EYA4: variants seen among roughly 807,000 people sequenced by gnomAD.
The protein encoded by EYA4 is EYA transcriptional coactivator and phosphatase 4.
In EYA4, 31 loss-of-function variants were observed where a neutral mutation model predicts 87.9. That is an observed-to-expected ratio of 0.35 (90% CI 0.27 to 0.48). The LOEUF is 0.48. Among genes scored for constraint, EYA4 ranks in the 20% least tolerant of loss-of-function variants. EYA4 has a pLI of 0.99. For synonymous variants in EYA4, 263 were observed against 270.6 expected (o/e 0.97, Z 0.28); for missense variants, 678 against 761.4 (o/e 0.89, Z 1.29).
intron 2 of EYA4, among the ~76,000 whole-genome samples, chr6:133,295,878 A>G (rs989122269): frequency 6.6e-6 from 1 of 152,246 alleles, no homozygotes; most frequent in Non-Finnish European, 1.5e-5. Context: ...AAAGACACCA[A>G]GTTCTTGCTT....
chr6:133,452,735 T>C (rs1793569676), intron 5 of EYA4: 1 of 152,066 alleles, frequency 6.6e-6, no homozygotes, highest in Admixed American at 6.6e-5. Context: ...ATCAGAAACA[T>C]CCAAATTGCA....
Position 133,512,987 on chromosome 6 carries a change from C to T in EYA4, c.1450C>T (p.Arg484Cys), listed in dbSNP as rs868828420. Reference protein sequence around the residue: ...GVDWMRKLAFRYRRVKELYNT... With the variant: ...GVDWMRKLAFCYRRVKELYNT... ...TGACTGGATGAGGAAGTTGGCTTTT[C>T]GTTACAGAAGAGTAAAAGAATTATA... Residue 484 changes from arginine (R) to cysteine (C), a missense_variant, in exon 16 of 20, where the codon CGT (arginine) becomes TGT (cysteine). Physicochemically the swap from Arg to Cys is radical, Grantham distance 180. Coordinates refer to ENST00000355286, the MANE Select transcript of EYA4 (RefSeq NM_004100.5). 1.2e-6 allele frequency: 2 copies of T among 1,614,036 alleles called. No individual in the cohort carries two copies. The highest frequency in any genetic ancestry group is 1.7e-6 in the Non-Finnish European group (2 of 1,179,978).
chr6:133,488,829 G>T (rs1228953692), intron 13 of EYA4, among the ~76,000 whole-genome samples: 1 of 152,132 alleles, frequency 6.6e-6, no homozygotes, highest in Non-Finnish European at 1.5e-5. Context: ...AGCGACTCCA[G>T]TAAATACCTA....
At chr6:133,351,118 C>T (rs141930193) in intron 2 of EYA4, among the ~76,000 whole-genome samples, 59 of 152,192 alleles carry the variant, frequency 3.9e-4, no homozygotes, top group Non-Finnish European at 7.1e-4. Context: ...AAGTAACTTC[C>T]GAATCAGCTT....
chr6:133,250,524 C>T (rs1774809113), intron 1 of EYA4, among the ~76,000 whole-genome samples: 2 of 151,992 alleles, frequency 1.3e-5, no homozygotes, highest in Non-Finnish European at 2.9e-5. Context: ...CGCCTGTAAT[C>T]CCAGCTACTC....
intron 2 of EYA4, among the ~76,000 whole-genome samples, chr6:133,342,574 C>CATATATATACAT (rs1782863023): frequency 1.0e-5 from 1 of 100,470 alleles, no homozygotes; most frequent in Non-Finnish European, 2.0e-5. Context: ...TACACACTGC[C>CATATATATACAT]ATATATATAT....
intron 2 of EYA4, among the ~76,000 whole-genome samples, chr6:133,375,508 G>T (rs1425600202): frequency 6.6e-6 from 1 of 151,470 alleles, no homozygotes; most frequent in African/African-American, 2.4e-5. Flanking sequence ...ACATTCCTGA[G>T]GTATGTAATA....
chr6:133,349,648 A>C (rs1783481902), intron 2 of EYA4, among the ~76,000 whole-genome samples: 1 of 151,196 alleles, frequency 6.6e-6, no homozygotes, highest in African/African-American at 2.5e-5. Flanking sequence ...TAAGTGTATG[A>C]AATGCTTTGA....
intron 17 of EYA4, among the ~76,000 whole-genome samples, chr6:133,515,644 TG>T (rs1799536521): frequency 6.6e-6 from 1 of 151,754 alleles, no homozygotes. Context: ...TGTGTGTGTG[TG>T]TGTGTGTGTG....
intron 2 of EYA4, among the ~76,000 whole-genome samples, chr6:133,340,299 A>G (rs982353112): frequency 1.3e-5 from 2 of 152,154 alleles, no homozygotes; most frequent in African/African-American, 2.4e-5. Context: ...TTCTTTGCCA[A>G]ATTGATTTTG....
intron 11 of EYA4, among the ~76,000 whole-genome samples, chr6:133,469,942 T>C (rs1433097648): frequency 6.6e-6 from 1 of 151,944 alleles, no homozygotes; most frequent in Admixed American, 6.6e-5. Context: ...GGGTTGTTTG[T>C]TTTCTTCTTG....
upstream of EYA4, chr6:133,240,614 T>A (rs972564600): frequency 6.6e-6 from 1 of 152,284 alleles, no homozygotes; most frequent in African/African-American, 2.4e-5. Flanking sequence ...GCCTGACCTT[T>A]GGGCGTCTGG....
At chr6:133,416,772 G>A (rs769829993) in intron 3 of EYA4, among the ~76,000 whole-genome samples, 1 of 152,190 alleles carries the variant, frequency 6.6e-6, no homozygotes, top group Non-Finnish European at 1.5e-5. Context: ...ATGTGAAATT[G>A]CATATTCTCT....
intron 17 of EYA4, among the ~76,000 whole-genome samples, chr6:133,520,604 A>G (rs1427792105): frequency 1.6e-5 from 2 of 121,824 alleles, no homozygotes; most frequent in Non-Finnish European, 1.7e-5. Context: ...CAAGCTACCA[A>G]TGCCTTTCTT....
chr6:133,316,996 G>A (rs1780678175), intron 2 of EYA4, among the ~76,000 whole-genome samples: 1 of 152,136 alleles, frequency 6.6e-6, no homozygotes, highest in African/African-American at 2.4e-5. Context: ...TTGGACCATT[G>A]AGGCCTCATG....
At chr6:133,522,246 G>A (rs6929780) in intron 17 of EYA4, among the ~76,000 whole-genome samples, 72,693 of 138,486 alleles carry the variant, frequency 0.52, 19,969 homozygotes, top group East Asian at 0.68. Flanking sequence ...ATATGTATAC[G>A]TGTGCCATGT....
intron 2 of EYA4, among the ~76,000 whole-genome samples, chr6:133,293,149 C>A (rs1020197842): frequency 6.6e-6 from 1 of 152,136 alleles, no homozygotes; most frequent in African/African-American, 2.4e-5. Flanking sequence ...CTCAATTCCT[C>A]CTACTTCATT....
intron 2 of EYA4, among the ~76,000 whole-genome samples, chr6:133,327,692 A>G (rs146720971): frequency 6.6e-6 from 1 of 152,348 alleles, no homozygotes; most frequent in East Asian, 1.9e-4. Flanking sequence ...ATGGAATTGT[A>G]CAAGGGATTA....
chr6:133,321,239 T>C (rs1228478996), intron 2 of EYA4, among the ~76,000 whole-genome samples: 1 of 152,178 alleles, frequency 6.6e-6, no homozygotes, highest in African/African-American at 2.4e-5. Flanking sequence ...TTGATTCAGC[T>C]TTATTTGTCC....
Sources: gnomAD v4.1 joint callset for allele counts (sites outside exome capture counted in the v4.1 genomes callset) on GRCh38, gnomAD v4.1.1 for gene constraint, MANE v1.5 for transcripts, NCBI Gene and HGNC (gene_info 2026-07-23, HGNC 2026-07-21) for gene names.